SESTD1: variants seen among roughly 807,000 people sequenced by gnomAD.
SESTD1 encodes the protein SEC14 and spectrin domain containing 1.
A neutral mutation model predicts 101.7 loss-of-function variants in SESTD1; 43 were observed. The observed-to-expected ratio is 0.42, with a 90% CI of 0.33 to 0.55. The LOEUF (loss-of-function observed/expected upper bound fraction) is 0.55. SESTD1 is among the 20% of genes least tolerant of loss of function. The pLI, the probability that SESTD1 is intolerant of heterozygous loss-of-function variation, is 0.07. For synonymous variants in SESTD1, 283 were observed against 286.8 expected, an observed-to-expected ratio of 0.99 and a Z score of 0.13; for missense variants, 647 against 815.1, an observed-to-expected ratio of 0.79 and a Z score of 2.51.
At chr2:179,186,904 T>C (rs1016120820) in intron 2 of SESTD1, among the ~76,000 whole-genome samples, 1 of 152,098 alleles carries the variant, frequency 6.6e-6, no homozygotes, top group East Asian at 1.9e-4. Flanking sequence ...ATGGGAACCC[T>C]GTCAGGCTAA....
chr2:179,152,911 T>A (rs2045557862), intron 5 of SESTD1, among the ~76,000 whole-genome samples: 1 of 150,658 alleles, frequency 6.6e-6, no homozygotes, highest in Non-Finnish European at 1.5e-5. Context: ...AGAAAGGAGG[T>A]GAAAAATCAG....
chr2:179,149,110 C>T (rs1301596022), intron 7 of SESTD1, among the ~76,000 whole-genome samples, 187 bp downstream of exon 7: 1 of 136,440 alleles, frequency 7.3e-6, no homozygotes, highest in Admixed American at 7.6e-5. Flanking sequence ...TGAAGAAACT[C>T]TGATTCAAAC....
intron 1 of SESTD1, among the ~76,000 whole-genome samples, chr2:179,226,218 T>C (rs2046883266): frequency 1.3e-5 from 2 of 152,232 alleles, no homozygotes; most frequent in South Asian, 4.1e-4. Context: ...TAAAATATTC[T>C]CATATTCACC....
At chr2:179,259,783 T>C (rs1413168273) in intron 1 of SESTD1, among the ~76,000 whole-genome samples, 1 of 152,226 alleles carries the variant, frequency 6.6e-6, no homozygotes, top group Admixed American at 6.5e-5. Flanking sequence ...TAGAAACTAA[T>C]GTCTTTCTTC....
intron 9 of SESTD1, among the ~76,000 whole-genome samples, chr2:179,142,745 C>T (rs2045307206): frequency 6.6e-6 from 1 of 152,156 alleles, no homozygotes; most frequent in East Asian, 1.9e-4. Context: ...CTAAGTCTTC[C>T]CAGATTACCT....
At chr2:179,217,933 G>A (rs2046749205) in intron 1 of SESTD1, among the ~76,000 whole-genome samples, 2 of 148,518 alleles carry the variant, frequency 1.3e-5, no homozygotes, top group Admixed American at 1.4e-4. Flanking sequence ...TGAACAACGA[G>A]AACACTTGGA....
At chr2:179,196,461 A>G (rs950998296) in intron 1 of SESTD1, among the ~76,000 whole-genome samples, 1 of 152,258 alleles carries the variant, frequency 6.6e-6, no homozygotes, top group African/African-American at 2.4e-5. Context: ...CACCACAGCT[A>G]AAGGAGGCCT....
At chr2:179,131,611 C>T (rs112891104) in intron 10 of SESTD1, among the ~76,000 whole-genome samples, 42 of 152,014 alleles carry the variant, frequency 2.8e-4, no homozygotes, top group African/African-American at 9.6e-4. Context: ...GGTGAGCTAC[C>T]CCGTCCACAA....
chr2:179,185,813 A>ATATAG (rs1163764682), intron 2 of SESTD1, among the ~76,000 whole-genome samples: 1 of 131,270 alleles, frequency 7.6e-6, no homozygotes, highest in Admixed American at 8.4e-5. Context: ...AGCATATACA[A>ATATAG]TATAGTATAT....
At chr2:179,258,731 T>C (rs571725201) in intron 1 of SESTD1, among the ~76,000 whole-genome samples, 1 of 152,278 alleles carries the variant, frequency 6.6e-6, no homozygotes, top group South Asian at 2.1e-4. Context: ...CTCTGACCAC[T>C]AACTTACAAT....
chr2:179,196,249 G>A (rs745899303), intron 1 of SESTD1, among the ~76,000 whole-genome samples: 17 of 152,204 alleles, frequency 1.1e-4, no homozygotes, highest in Admixed American at 7.9e-4. Context: ...CTTTTCCGAC[G>A]GGCTTAAAAA....
chr2:179,222,554 G>T (rs1437091757), intron 1 of SESTD1, among the ~76,000 whole-genome samples: 1 of 151,790 alleles, frequency 6.6e-6, no homozygotes, highest in African/African-American at 2.4e-5. Context: ...AAAAATAACA[G>T]TCCCAGCCTT....
At chr2:179,258,281 G>A (rs1056812607) in intron 1 of SESTD1, among the ~76,000 whole-genome samples, 2 of 152,120 alleles carry the variant, frequency 1.3e-5, no homozygotes, top group African/African-American at 2.4e-5. Flanking sequence ...GCTAACTGAA[G>A]CCCCAATAGA....
chr2:179,195,143 C>G (rs564266668), intron 1 of SESTD1, among the ~76,000 whole-genome samples: 1 of 152,210 alleles, frequency 6.6e-6, no homozygotes, highest in South Asian at 2.1e-4. Flanking sequence ...GACAGGCCAC[C>G]GGATATGGTT....
chr2:179,173,974 C>T (rs2045967394), intron 4 of SESTD1, among the ~76,000 whole-genome samples: 2 of 152,094 alleles, frequency 1.3e-5, no homozygotes, highest in African/African-American at 4.8e-5. Flanking sequence ...AACATGCACA[C>T]ATCATAAATC....
Position 179,143,717 on chromosome 2 carries a change from G to C in SESTD1, c.724C>G (p.Leu242Val), listed in dbSNP as rs761118944. ...AATTTCATAACCTGTGGCTGTGCAA[G>C]AAGTTCATCATCCATAGGAGACCAT... The part of the protein sequence containing the change: ...VSWSPMDDEL[L>V]AQPQVMKLLD... The change falls in exon 9 of 18, where the codon CTT becomes GTT. Residue 242 changes from leucine (L) to valine (V), a missense_variant. By Grantham distance (32) the Leu-to-Val change is conservative. Transcript: ENST00000428443. The C allele has an allele frequency of 6.2e-7, 1 of 1,614,004 alleles. No individual in the cohort carries two copies. The highest frequency in any genetic ancestry group is 8.5e-7 in the Non-Finnish European group (1 of 1,179,934).
chr2:179,103,723 T>C lies in SESTD1; in HGVS notation c.*6176A>G, dbSNP rs1056352754. Reference sequence around the variant, plus strand: ...TTATGGTAGAAAAAGGAACAGTGGTTGCCTTTGAGGGTCAAGTAGGGACAG... The same window carrying C: ...TTATGGTAGAAAAAGGAACAGTGGTCGCCTTTGAGGGTCAAGTAGGGACAG... On this transcript the variant is annotated 3_prime_UTR_variant, in exon 18 of 18. Transcript: ENST00000428443. 1 of 152,138 alleles carries C rather than the reference T, an allele frequency of 6.6e-6. No homozygotes were observed. Among genetic ancestry groups the C allele is most frequent in the Non-Finnish European group, 1.5e-5 (1 of 68,004 alleles). The allele number at this position is 152,138 out of a possible 1,614,324, so 9.4% of individuals were successfully genotyped here.
intron 1 of SESTD1, among the ~76,000 whole-genome samples, chr2:179,221,205 A>C (rs2105526808): frequency 6.6e-6 from 1 of 152,304 alleles, no homozygotes; most frequent in South Asian, 2.1e-4. Flanking sequence ...AAAAAGTTTT[A>C]ACTTAAAAAA....
At chr2:179,151,417 A>G (rs770326045) in intron 5 of SESTD1, 26 bp from the exon 6 acceptor site, 5 of 1,522,750 alleles carry the variant, frequency 3.3e-6, no homozygotes, top group Non-Finnish European at 4.5e-6. Flanking sequence ...AAGAAAAGAA[A>G]CATTTAGTAA....
Sources: gnomAD v4.1 joint callset for allele counts (sites outside exome capture counted in the v4.1 genomes callset) on GRCh38, gnomAD v4.1.1 for gene constraint, MANE v1.5 for transcripts, NCBI Gene and HGNC (gene_info 2026-07-23, HGNC 2026-07-21) for gene names.